GRID2: variants seen among roughly 807,000 people sequenced by gnomAD.
The protein encoded by GRID2 is glutamate ionotropic receptor delta type subunit 2.
A neutral mutation model predicts 114.8 loss-of-function variants in GRID2; 33 were observed. That is an observed-to-expected ratio of 0.29 (90% CI 0.22 to 0.38). The LOEUF (loss-of-function observed/expected upper bound fraction) is 0.38, where lower values mean the gene tolerates loss of function less well. Ranked by LOEUF, GRID2 falls within the 10% of genes least tolerant of loss-of-function variation. The pLI, the probability that GRID2 is intolerant of heterozygous loss-of-function variation, is 1.00. For missense variants in GRID2, 1,184 were observed against 1,257.7 expected, an observed-to-expected ratio of 0.94 and a Z score of 0.89; for synonymous variants, 505 against 449.9, an observed-to-expected ratio of 1.12 and a Z score of -1.55.
At chr4:92,488,594 C>G (rs890290397) in intron 1 of GRID2, among the ~76,000 whole-genome samples, 3 of 152,136 alleles carry the variant, frequency 2.0e-5, no homozygotes, top group Non-Finnish European at 4.4e-5. Flanking sequence ...CAAAATTCCA[C>G]TGCTTCTGAG....
At chr4:93,104,712 G>A (rs1312506379) in intron 3 of GRID2, among the ~76,000 whole-genome samples, 1 of 152,116 alleles carries the variant, frequency 6.6e-6, no homozygotes, top group Non-Finnish European at 1.5e-5. Context: ...TATCATTGTT[G>A]GACATTTGGG....
chr4:92,519,346 T>G (rs145504473), intron 1 of GRID2, among the ~76,000 whole-genome samples: 1,956 of 151,894 alleles, frequency 0.013, 42 homozygotes, highest in African/African-American at 0.044. Flanking sequence ...CCATTAGTAA[T>G]TAGATATTTA....
At chr4:93,761,973 A>G (rs550119237) in intron 14 of GRID2, among the ~76,000 whole-genome samples, 9 of 152,308 alleles carry the variant, frequency 5.9e-5, no homozygotes, top group Admixed American at 5.9e-4. Context: ...TTAAATCTTA[A>G]TCTTTGAGAA....
chr4:93,320,864 A>G (rs1212017712), intron 8 of GRID2, among the ~76,000 whole-genome samples: 1 of 152,070 alleles, frequency 6.6e-6, no homozygotes, highest in Non-Finnish European at 1.5e-5. Context: ...TATCTGTGAT[A>G]TTTTAATAAT....
rs149367442 is a variant in GRID2, at chr4:93,232,915, AG to A, written c.1126-5454del. Among the ~76,000 whole-genome samples, 1,097 of 152,292 alleles carry A rather than the reference AG, an allele frequency of 7.2e-3. 12 individuals carry two copies. Among genetic ancestry groups the A allele is most frequent in the Middle Eastern group, 0.041 (12 of 294 alleles). Reference sequence around the variant, plus strand: ...TGTTGTACCATAAGATCAGAGAATAAGGAAGGAAAATAGAAATATCAAAAAT... The same window carrying A: ...TGTTGTACCATAAGATCAGAGAATAAGAAGGAAAATAGAAATATCAAAAAT... On this transcript the variant is annotated intron_variant, in intron 7 of 15. Transcript: ENST00000282020.
chr4:92,753,095 A>G (rs1448818108), intron 2 of GRID2, among the ~76,000 whole-genome samples: 3 of 152,178 alleles, frequency 2.0e-5, no homozygotes, highest in Admixed American at 1.3e-4. Flanking sequence ...AAACTGATTT[A>G]TTACAAATGT....
At chr4:93,263,346 A>G (rs1245254465) in intron 8 of GRID2, among the ~76,000 whole-genome samples, 4 of 151,978 alleles carry the variant, frequency 2.6e-5, no homozygotes, top group African/African-American at 9.7e-5. Flanking sequence ...ACTCAGCAAG[A>G]TATCAGACTC....
At chr4:92,586,363 C>A (rs1728443630) in intron 1 of GRID2, among the ~76,000 whole-genome samples, 1 of 53,286 alleles carries the variant, frequency 1.9e-5, no homozygotes, top group Admixed American at 1.8e-4. Context: ...TCTACACACA[C>A]ACACACACAC....
At chr4:93,660,578 CACA>C (rs1723402091) in intron 14 of GRID2, among the ~76,000 whole-genome samples, 1 of 142,120 alleles carries the variant, frequency 7.0e-6, no homozygotes, top group Non-Finnish European at 1.5e-5. Flanking sequence ...CTCCCTCCCC[CACA>C]ACATGTGAGT....
At chr4:93,309,272 C>A (rs1755757426) in intron 8 of GRID2, among the ~76,000 whole-genome samples, 1 of 152,142 alleles carries the variant, frequency 6.6e-6, no homozygotes. Context: ...CGGTGGCTCA[C>A]ACCTGTAATC....
chr4:92,624,385 A>G (rs899359071), intron 2 of GRID2, among the ~76,000 whole-genome samples: 26 of 151,776 alleles, frequency 1.7e-4, no homozygotes, highest in African/African-American at 6.3e-4. Flanking sequence ...GCAGTTATTG[A>G]TCCATGGTGT....
intron 4 of GRID2, among the ~76,000 whole-genome samples, chr4:93,162,258 G>A (rs1413486763): frequency 6.6e-6 from 1 of 151,854 alleles, no homozygotes; most frequent in African/African-American, 2.4e-5. Flanking sequence ...AATTAACACT[G>A]AATATGAAGA....
chr4:93,007,024 T>C (rs1011634899), intron 2 of GRID2, among the ~76,000 whole-genome samples: 6 of 151,522 alleles, frequency 4.0e-5, no homozygotes, highest in African/African-American at 1.5e-4. Flanking sequence ...AAAATAGCAA[T>C]GGAGAAAGCA....
At chr4:93,090,705 G>A (rs182063678) in intron 3 of GRID2, among the ~76,000 whole-genome samples, 14 of 152,092 alleles carry the variant, frequency 9.2e-5, no homozygotes, top group African/African-American at 2.9e-4. Flanking sequence ...ATTTCTTATG[G>A]CTACCCTAAT....
chr4:93,591,708 G>C (rs150584849), intron 13 of GRID2, among the ~76,000 whole-genome samples: 22,535 of 151,432 alleles, frequency 0.15, 2,232 homozygotes, highest in Middle Eastern at 0.3. Context: ...GGTTGGTAAG[G>C]TATTGATTAT....
In GRID2 at chr4:92,793,767, A is replaced by G. The variant is rs1739709148; in HGVS notation, c.244+203481A>G. Among the ~76,000 whole-genome samples the G allele has an allele frequency of 2.6e-5, 4 of 152,006 alleles. No homozygotes were observed. In the South Asian group the frequency reaches 6.2e-4, roughly 24 times the overall value. ...TCTACCACTTTCTCAGACCTTTCAT[A>G]CTTTTCAATAGTGAAAATCTGCTAC... On this transcript the variant is annotated intron_variant, in intron 2 of 15. Coordinates refer to ENST00000282020, the MANE Select transcript of GRID2 (RefSeq NM_001510.4).
At chr4:93,059,601 A>G (rs1300466708) in intron 2 of GRID2, among the ~76,000 whole-genome samples, 1 of 152,116 alleles carries the variant, frequency 6.6e-6, no homozygotes. Flanking sequence ...ATTGATTTGG[A>G]CACTTTATGT....
intron 2 of GRID2, among the ~76,000 whole-genome samples, chr4:93,052,770 C>G (rs1037946573): frequency 1.3e-5 from 2 of 151,818 alleles, no homozygotes; most frequent in African/African-American, 4.8e-5. Context: ...TACTCTTCTC[C>G]TTGGCAGCCC....
At chr4:93,753,418 T>A (rs1044526937) in intron 14 of GRID2, among the ~76,000 whole-genome samples, 1 of 152,220 alleles carries the variant, frequency 6.6e-6, no homozygotes, top group Admixed American at 6.5e-5. Flanking sequence ...TATTTATACA[T>A]GTGCCATGTT....
Sources: gnomAD v4.1 joint callset for allele counts (sites outside exome capture counted in the v4.1 genomes callset) on GRCh38, gnomAD v4.1.1 for gene constraint, MANE v1.5 for transcripts, NCBI Gene and HGNC (gene_info 2026-07-23, HGNC 2026-07-21) for gene names.